NUP210L: variants seen among roughly 807,000 people sequenced by gnomAD.
NUP210L encodes the protein nucleoporin 210 like.
NUP210L carries 74 observed loss-of-function variants against 208.5 expected under a neutral mutation model. The ratio of observed to expected loss-of-function variants is 0.35; its 90% CI spans 0.29 to 0.43. The LOEUF (loss-of-function observed/expected upper bound fraction) is 0.43. Ranked by LOEUF, NUP210L falls within the 20% of genes least tolerant of loss-of-function variation. The pLI, the probability that NUP210L is intolerant of heterozygous loss-of-function variation, is 1.00. For missense variants in NUP210L, 1,843 were observed against 2,289.4 expected, an observed-to-expected ratio of 0.81 and a Z score of 3.98; for synonymous variants, 780 against 816.9, an observed-to-expected ratio of 0.95 and a Z score of 0.77.
chr1:154,113,618 G>A (rs1400531997), intron 12 of NUP210L, among the ~76,000 whole-genome samples: 2 of 151,764 alleles, frequency 1.3e-5, no homozygotes, highest in Non-Finnish European at 1.5e-5. Context: ...CCAGCATTTT[G>A]GGAGGCCAAG....
intron 37 of NUP210L, chr1:153,995,521 C>G (rs985445181): frequency 1.3e-5 from 8 of 612,934 alleles, no homozygotes; most frequent in Middle Eastern, 8.9e-4. Flanking sequence ...AATTCTTGAG[C>G]TTGTTATTTC....
At chr1:154,141,333 T>A (rs983390496) in intron 4 of NUP210L, 98 bp downstream of exon 4, 1 of 755,406 alleles carries the variant, frequency 1.3e-6, no homozygotes, top group African/African-American at 1.7e-5. Flanking sequence ...GATAGCAGGG[T>A]CATCAAAGTC....
At chr1:154,133,235 G>A (rs902904786) in intron 7 of NUP210L, among the ~76,000 whole-genome samples, 3 of 152,030 alleles carry the variant, frequency 2.0e-5, no homozygotes, top group African/African-American at 4.8e-5. Context: ...TGCCAGTGTC[G>A]CCTCATCAGA....
chr1:154,148,136 G>A (rs975509074), intron 2 of NUP210L, among the ~76,000 whole-genome samples: 2 of 151,384 alleles, frequency 1.3e-5, no homozygotes, highest in Non-Finnish European at 2.9e-5. Context: ...GCATGGTGGT[G>A]CGTGCCTGTA....
chr1:154,100,459 A>G (rs1031709810), intron 13 of NUP210L, among the ~76,000 whole-genome samples: 2 of 150,964 alleles, frequency 1.3e-5, no homozygotes, highest in East Asian at 3.9e-4. Context: ...AAAAAAAAAA[A>G]AAACCCAAAA....
intron 29 of NUP210L, among the ~76,000 whole-genome samples, chr1:154,026,016 A>C (rs1225686891): frequency 1.3e-5 from 2 of 151,856 alleles, no homozygotes; most frequent in African/African-American, 2.4e-5. Context: ...TGAGGTCAGG[A>C]GTTCAAGACC....
rs184221756 is a variant in NUP210L at position 154,093,415 on chromosome 1, C to T, written c.2187+1520G>A. 3.2e-4 allele frequency among the ~76,000 whole-genome samples: 48 copies of T among 151,302 alleles called. 2 individuals are homozygous for T. In the South Asian group the frequency reaches 3.3e-3, roughly 10 times the overall value. On this transcript the variant is annotated intron_variant, in intron 15 of 39. Coordinates refer to ENST00000368559, the Ensembl canonical transcript of NUP210L. The stretch of plus-strand genomic sequence containing the variant: ...TGCACTCCCACCTGGGCAACAAGAG[C>T]GAAACTCCATCTCAAAAAAAAAAGA...
At chr1:154,085,556 C>T (rs538413292) in intron 16 of NUP210L, among the ~76,000 whole-genome samples, 1 of 152,180 alleles carries the variant, frequency 6.6e-6, no homozygotes, top group Admixed American at 6.5e-5. Flanking sequence ...AATGGCAATA[C>T]TCCTCAAACT....
chr1:154,071,456 C>T (rs1214682850), intron 16 of NUP210L, among the ~76,000 whole-genome samples: 1 of 150,776 alleles, frequency 6.6e-6, no homozygotes, highest in Non-Finnish European at 1.5e-5. Context: ...CCACCTTTCC[C>T]CCGAGTCCCC....
At chr1:154,046,161 G>C (rs1483166572) in exon 27 of NUP210L, 1 of 1,613,890 alleles carries the variant, frequency 6.2e-7, no homozygotes, top group African/African-American at 1.3e-5. Flanking sequence ...AAGGAGAAAG[G>C]GGTCTGGGTA....
exon 31 of NUP210L, chr1:154,023,262 T>C (rs780694248): frequency 1.2e-5 from 20 of 1,612,186 alleles, no homozygotes; most frequent in Admixed American, 1.7e-5. Context: ...ATAGCTTGGG[T>C]TGGCTGCTCA....
intron 13 of NUP210L, among the ~76,000 whole-genome samples, chr1:154,101,652 G>A (rs1444888892): frequency 6.6e-6 from 1 of 152,126 alleles, no homozygotes; most frequent in Non-Finnish European, 1.5e-5. Flanking sequence ...ATAGTTTCAA[G>A]GGGAAAGTGA....
At chr1:154,129,743 G>A (rs540036543) in intron 7 of NUP210L, among the ~76,000 whole-genome samples, 1 of 152,332 alleles carries the variant, frequency 6.6e-6, no homozygotes, top group South Asian at 2.1e-4. Context: ...GTTGATGGAG[G>A]CAGAGGGAGA....
chr1:154,063,048 T>G (rs143880312), intron 17 of NUP210L, among the ~76,000 whole-genome samples: 310 of 152,344 alleles, frequency 2.0e-3, no homozygotes, highest in African/African-American at 7.0e-3. Context: ...AGGTGCTATG[T>G]TAGGTAATTA....
At chr1:154,071,090 G>T (rs1320978799) in intron 16 of NUP210L, among the ~76,000 whole-genome samples, 119 of 147,554 alleles carry the variant, frequency 8.1e-4, no homozygotes, top group African/African-American at 2.2e-3. Context: ...GTTTTGTTTT[G>T]TTTTTTGTTT....
exon 34 of NUP210L, chr1:154,012,266 G>T: frequency 6.2e-7 from 1 of 1,613,680 alleles, no homozygotes; most frequent in East Asian, 2.2e-5. Flanking sequence ...CACCATTTCT[G>T]CCAGTGGTGA....
Position 154,070,213 on chromosome 1 carries a change from A to AAAAC in NUP210L, c.2554+56_2554+59dup, listed in dbSNP as rs1015752609. On this transcript the variant is annotated intron_variant, in intron 17 of 39. Transcript: ENST00000368559. Reference sequence around the variant, plus strand: ...CTTAAAGCAAAAAACAAAACAAAACAAAACAAACAAACAAAAAAACACTCA... The same window carrying AAAAC: ...CTTAAAGCAAAAAACAAAACAAAACAAAACAAACAAACAAACAAAAAAACACTCA... The AAAAC allele has an allele frequency of 9.5e-6, 13 of 1,375,584 alleles. No individual in the cohort carries two copies. The South Asian group carries it at 1.0e-4, about 11-fold the overall frequency. 85.2% of individuals were successfully genotyped at this position (1,375,584 alleles called of 1,614,324 possible). A position where few individuals can be genotyped will look rare whatever the true frequency, so the allele number is the denominator to read the frequency against.
At chr1:154,046,251 TC>T (rs1485123302) in intron 26 of NUP210L, 37 bp downstream of exon 26, 2 of 1,613,932 alleles carry the variant, frequency 1.2e-6, no homozygotes, top group African/African-American at 2.7e-5. Context: ...GTTGCAATTA[TC>T]AGAATAATGA....
intron 37 of NUP210L, among the ~76,000 whole-genome samples, chr1:153,997,333 GTC>G (rs1247337801): frequency 6.6e-6 from 1 of 151,168 alleles, no homozygotes; most frequent in African/African-American, 2.4e-5. Context: ...TAGAGATGAG[GTC>G]TCTCTATGTT....
Sources: gnomAD v4.1 joint callset for allele counts (sites outside exome capture counted in the v4.1 genomes callset) on GRCh38, gnomAD v4.1.1 for gene constraint, MANE v1.5 for transcripts, NCBI Gene and HGNC (gene_info 2026-07-23, HGNC 2026-07-21) for gene names.